The following CSRNP3 variants were observed in gnomAD, a reference collection of about 807,000 sequenced individuals.
CSRNP3 encodes cysteine/serine-rich nuclear protein 3.
CSRNP3 carries 12 observed loss-of-function variants against 48.0 expected under a neutral mutation model. That is an observed-to-expected ratio of 0.25 (90% confidence interval 0.16 to 0.41). The LOEUF is 0.41. Ranked by LOEUF, CSRNP3 falls within the 10% of genes least tolerant of loss-of-function variation. The pLI is 1.00. For synonymous variants in CSRNP3, 263 were observed against 269.7 expected, an observed-to-expected ratio of 0.98 and a Z score of 0.24; for missense variants, 580 against 724.4, an observed-to-expected ratio of 0.80 and a Z score of 2.29.
chr2:165,543,651 G>GT (rs1487140792), intron 3 of CSRNP3, among the ~76,000 whole-genome samples: 3 of 151,840 alleles, frequency 2.0e-5, no homozygotes, highest in Admixed American at 6.6e-5. Context: ...ATTTAGCTTA[G>GT]TTTTTCATTT....
In CSRNP3 at chr2:165,683,656, T is replaced by C. The variant is rs1236939491; in HGVS notation, c.*3903T>C. On this transcript the variant is annotated 3_prime_UTR_variant, in exon 7 of 7. Coordinates refer to ENST00000651982, the MANE Select transcript of CSRNP3 (RefSeq NM_001172173.2). ...TATCAATTCTTTCTTTCAACAAATA[T>C]GTACTGAACACATGCTGTGTTAGAA... 1 of 152,118 alleles carries C rather than the reference T, an allele frequency of 6.6e-6. No homozygotes were observed. Among genetic ancestry groups the C allele is most frequent in the African/African-American group, 2.4e-5 (1 of 41,440 alleles). The allele number at this position is 152,118 out of a possible 1,614,324, so 9.4% of individuals were successfully genotyped here.
chr2:165,619,592 A>AACAC (rs943141143), intron 4 of CSRNP3, among the ~76,000 whole-genome samples: 2 of 151,528 alleles, frequency 1.3e-5, no homozygotes, highest in South Asian at 4.2e-4. Context: ...CACACATACA[A>AACAC]ACACACACAC....
chr2:165,571,071 G>T (rs1242094499), intron 3 of CSRNP3, among the ~76,000 whole-genome samples: 1 of 151,360 alleles, frequency 6.6e-6, no homozygotes, highest in Non-Finnish European at 1.5e-5. Flanking sequence ...AATATTTTTT[G>T]CCCCAAAAGA....
rs147386312 is a variant in CSRNP3, at chr2:165,555,619, C to T, written c.-24+37658C>T. 1.5e-3 allele frequency among the ~76,000 whole-genome samples: 233 copies of T among 152,262 alleles called. 2 individuals carry two copies. The highest frequency in any genetic ancestry group is 2.7e-3 in the Non-Finnish European group (182 of 68,028). On this transcript the variant is annotated intron_variant, in intron 3 of 6. Coordinates refer to ENST00000651982, the MANE Select transcript of CSRNP3 (RefSeq NM_001172173.2). The stretch of plus-strand genomic sequence containing the variant: ...ACTAACCTGACATACTTTGCCTACT[C>T]ATTGATGGTGAAGCTGGGATGGTTA...
chr2:165,653,028 A>G (rs1356959805), intron 4 of CSRNP3, among the ~76,000 whole-genome samples: 1 of 152,186 alleles, frequency 6.6e-6, no homozygotes, highest in Non-Finnish European at 1.5e-5. Context: ...CAGATTCCCT[A>G]CGGCAGATGT....
At chr2:165,522,062 G>A (rs1684670653) in intron 3 of CSRNP3, among the ~76,000 whole-genome samples, 1 of 152,064 alleles carries the variant, frequency 6.6e-6, no homozygotes. Context: ...AGGTGGAGGT[G>A]GGTGAATCAC....
chr2:165,476,862 T>C (rs1199546722), intron 1 of CSRNP3, among the ~76,000 whole-genome samples: 1 of 152,190 alleles, frequency 6.6e-6, no homozygotes, highest in Non-Finnish European at 1.5e-5. Context: ...TAGTAAGCCA[T>C]TGTGTGCAAT....
chr2:165,532,843 A>T (rs1400966752), intron 3 of CSRNP3, among the ~76,000 whole-genome samples: 1 of 152,196 alleles, frequency 6.6e-6, no homozygotes, highest in Admixed American at 6.5e-5. Context: ...CCTCAAGCTG[A>T]TAAGCAACTT....
At chr2:165,653,698 A>G (rs1317739352) in intron 4 of CSRNP3, among the ~76,000 whole-genome samples, 1 of 151,906 alleles carries the variant, frequency 6.6e-6, no homozygotes, top group Non-Finnish European at 1.5e-5. Flanking sequence ...GTGGCTGGGC[A>G]CAGTGGCTCA....
chr2:165,497,433 G>T (rs145649910), intron 2 of CSRNP3, among the ~76,000 whole-genome samples: 1 of 152,040 alleles, frequency 6.6e-6, no homozygotes, highest in Non-Finnish European at 1.5e-5. Flanking sequence ...GGGGAGGAAG[G>T]ATAAAGAATA....
intron 1 of CSRNP3, among the ~76,000 whole-genome samples, chr2:165,484,308 G>T (rs200055758): frequency 6.6e-6 from 1 of 152,018 alleles, no homozygotes; most frequent in African/African-American, 2.4e-5. Context: ...GGCCAGGCTG[G>T]TCTCAAACTC....
At chr2:165,481,226 G>C (rs1439377042) in intron 1 of CSRNP3, among the ~76,000 whole-genome samples, 2 of 152,102 alleles carry the variant, frequency 1.3e-5, no homozygotes, top group Admixed American at 1.3e-4. Context: ...AGAAACTGCA[G>C]GTATAAAATT....
chr2:165,634,147 T>G (rs934042121), intron 4 of CSRNP3, among the ~76,000 whole-genome samples: 3 of 152,128 alleles, frequency 2.0e-5, no homozygotes, highest in Admixed American at 1.3e-4. Context: ...GAGACCAGCC[T>G]GAGTCACATG....
intron 2 of CSRNP3, among the ~76,000 whole-genome samples, chr2:165,515,284 T>G (rs1375241340): frequency 6.7e-6 from 1 of 148,892 alleles, no homozygotes. Flanking sequence ...GTTGCACCAG[T>G]GCACTCTAGC....
chr2:165,542,450 TAAAC>T (rs894698795), intron 3 of CSRNP3, among the ~76,000 whole-genome samples: 4 of 152,132 alleles, frequency 2.6e-5, no homozygotes, highest in African/African-American at 9.7e-5. Context: ...AAACATATAA[TAAAC>T]AAAAGGGCTC....
intron 3 of CSRNP3, among the ~76,000 whole-genome samples, chr2:165,550,943 C>A (rs756372285): frequency 3.3e-5 from 5 of 152,074 alleles, no homozygotes; most frequent in Admixed American, 6.6e-5. Context: ...ACATAACCTG[C>A]CCTTCTCCAC....
chr2:165,565,663 A>T (rs1222907386), intron 3 of CSRNP3, among the ~76,000 whole-genome samples: 7 of 152,050 alleles, frequency 4.6e-5, no homozygotes, highest in African/African-American at 1.7e-4. Context: ...TGCATGCCTC[A>T]TATCAAGGAA....
intron 4 of CSRNP3, among the ~76,000 whole-genome samples, chr2:165,601,937 G>GT (rs1451236038): frequency 5.9e-5 from 9 of 152,132 alleles, no homozygotes; most frequent in African/African-American, 2.2e-4. Context: ...AACAAACATG[G>GT]TATCTTATGT....
At chr2:165,580,769 G>A (rs10193789) in intron 3 of CSRNP3, among the ~76,000 whole-genome samples, 11 of 151,866 alleles carry the variant, frequency 7.2e-5, no homozygotes, top group Admixed American at 3.3e-4. Context: ...AAGGACAAAG[G>A]GAAACTTTTT....
Sources: allele counts gnomAD v4.1 joint callset (sites outside exome capture counted in the v4.1 genomes callset), GRCh38; gene constraint gnomAD v4.1.1; transcripts MANE v1.5; gene names NCBI Gene and HGNC (gene_info 2026-07-23, HGNC 2026-07-21).